Variants in SH3PXD2A observed in about 807,000 individuals in gnomAD.
SH3PXD2A encodes the protein SH3 and PX domain-containing protein 2A.
SH3PXD2A carries 32 observed loss-of-function variants against 115.2 expected under a neutral mutation model. The observed-to-expected ratio is 0.28, with a 90% CI of 0.21 to 0.37. The LOEUF is 0.37. Among genes scored for constraint, SH3PXD2A ranks in the 10% least tolerant of loss-of-function variants. The pLI is 1.00. For missense variants in SH3PXD2A, 1,328 were observed against 1,498.7 expected (o/e 0.89, Z 1.88); for synonymous variants, 610 against 629.1 (o/e 0.97, Z 0.45).
At chr10:103,730,251 T>G (rs1339473924) in intron 4 of SH3PXD2A, among the ~76,000 whole-genome samples, 3 of 124,694 alleles carry the variant, frequency 2.4e-5, no homozygotes, top group Non-Finnish European at 5.1e-5. Flanking sequence ...TTTTTTTTTT[T>G]GCTCCTTCCT....
chr10:103,736,786 G>A, intron 3 of SH3PXD2A: 1 of 1,289,256 alleles, frequency 7.8e-7, no homozygotes, highest in Non-Finnish European at 1.0e-6. Flanking sequence ...CTCACCTGTA[G>A]CTGTAACGGG....
intron 10 of SH3PXD2A, among the ~76,000 whole-genome samples, chr10:103,618,228 G>T (rs1182780931): frequency 1.3e-5 from 2 of 152,212 alleles, no homozygotes; most frequent in Non-Finnish European, 2.9e-5. Context: ...GGGCACCATG[G>T]TGCCTCCCCT....
At chr10:103,753,593 G>C (rs1249788430) in intron 3 of SH3PXD2A, among the ~76,000 whole-genome samples, 1 of 151,412 alleles carries the variant, frequency 6.6e-6, no homozygotes, top group Non-Finnish European at 1.5e-5. Context: ...CTTACTAGTT[G>C]AGTGGCCTTG....
At position 103,624,284 on chromosome 10, in the gene SH3PXD2A, A is replaced by C. The variant is rs1307447967; in HGVS notation, c.719-1731T>G. ...CGCCTTTGGTACAGCAGCACAGAAG[A>C]CCGTGGTCTGTTCCGCATGTCCCAA... On this transcript the variant is annotated intron_variant, in intron 9 of 14. Transcript: ENST00000369774. Among the ~76,000 whole-genome samples, 29 of 152,326 alleles carry C rather than the reference A, an allele frequency of 1.9e-4. 1 individual carries two copies. Among genetic ancestry groups the C allele is most frequent in the Non-Finnish European group, 4.4e-5 (3 of 68,026 alleles).
At chr10:103,713,255 T>C (rs1459335641) in intron 5 of SH3PXD2A, among the ~76,000 whole-genome samples, 3 of 152,200 alleles carry the variant, frequency 2.0e-5, no homozygotes, top group South Asian at 2.1e-4. Flanking sequence ...TCTCGGACTA[T>C]GTCTATGAAT....
chr10:103,638,840 G>GATGGCC (rs1488878154), intron 8 of SH3PXD2A, among the ~76,000 whole-genome samples: 5 of 152,250 alleles, frequency 3.3e-5, no homozygotes, highest in African/African-American at 1.2e-4. Flanking sequence ...TGGGGCCAGG[G>GATGGCC]ATGGCCAGGG....
chr10:103,822,393 C>A (rs1330550939), intron 1 of SH3PXD2A, among the ~76,000 whole-genome samples: 1 of 152,270 alleles, frequency 6.6e-6, no homozygotes, highest in African/African-American at 2.4e-5. Context: ...AAGTTCCCTG[C>A]AGAAATTCTG....
At chr10:103,692,449 C>CA (rs1473044822) in intron 6 of SH3PXD2A, among the ~76,000 whole-genome samples, 2 of 152,200 alleles carry the variant, frequency 1.3e-5, no homozygotes, top group African/African-American at 4.8e-5. Context: ...TGCCAAAACG[C>CA]GGAGCCCCCA....
At chr10:103,697,777 G>A (rs2037842287) in intron 5 of SH3PXD2A, among the ~76,000 whole-genome samples, 2 of 152,184 alleles carry the variant, frequency 1.3e-5, no homozygotes, top group Non-Finnish European at 2.9e-5. Flanking sequence ...GGATGCTCTA[G>A]TGAAATGGCT....
rs560981494 is a variant in SH3PXD2A, at chr10:103,653,495, T to C, written c.604+7488A>G. 2.5e-4 allele frequency among the ~76,000 whole-genome samples: 38 copies of C among 152,278 alleles called. No homozygotes were observed. In the East Asian group the frequency reaches 6.4e-3, roughly 26 times the overall value. On this transcript the variant is annotated intron_variant, in intron 8 of 14. Coordinates refer to ENST00000369774, the MANE Select transcript of SH3PXD2A (RefSeq NM_001394015.1). ...ACCGAGGCCACCACTAACCCATATA[T>C]TTTGCTGAGAAATAACTATTCAAGG...
chr10:103,740,255 C>G (rs2038429652), intron 3 of SH3PXD2A, among the ~76,000 whole-genome samples: 1 of 152,196 alleles, frequency 6.6e-6, no homozygotes, highest in Non-Finnish European at 1.5e-5. Flanking sequence ...CAAAGTCACA[C>G]AGCTATCTAG....
At chr10:103,685,946 A>G (rs1168528011) in intron 6 of SH3PXD2A, among the ~76,000 whole-genome samples, 1 of 152,210 alleles carries the variant, frequency 6.6e-6, no homozygotes, top group Non-Finnish European at 1.5e-5. Context: ...TAATCTATCA[A>G]TAATTAAAAC....
intron 2 of SH3PXD2A, among the ~76,000 whole-genome samples, chr10:103,769,171 TGTGTGTGTGTGCGCGC>T (rs2038790524): frequency 9.5e-6 from 1 of 105,234 alleles, no homozygotes; most frequent in African/African-American, 4.9e-5. Flanking sequence ...TGTGTGTGTG[TGTGTGTGTGTGCGCGC>T]GCGCGCGCAT....
At chr10:103,707,223 G>A (rs566517483) in intron 5 of SH3PXD2A, among the ~76,000 whole-genome samples, 16 of 150,434 alleles carry the variant, frequency 1.1e-4, no homozygotes, top group Non-Finnish European at 2.2e-4. Flanking sequence ...TTGAGATGGA[G>A]TCTAGCTCTG....
chr10:103,737,255 T>A (rs2038391173), intron 3 of SH3PXD2A, among the ~76,000 whole-genome samples: 1 of 152,258 alleles, frequency 6.6e-6, no homozygotes, highest in Non-Finnish European at 1.5e-5. Flanking sequence ...AATACCATTT[T>A]CTTTTTCATT....
intron 3 of SH3PXD2A, among the ~76,000 whole-genome samples, chr10:103,741,473 G>T (rs761126332): frequency 6.6e-6 from 1 of 152,138 alleles, no homozygotes; most frequent in Non-Finnish European, 1.5e-5. Context: ...TAGAGAATTT[G>T]TCAGGAAGCC....
rs892140223 is a variant in SH3PXD2A, at chr10:103,638,461, G to A, written c.605-11259C>T. On this transcript the variant is annotated intron_variant, in intron 8 of 14. Transcript: ENST00000369774. Reference sequence around the variant, plus strand: ...TGAGCAGACCAAGGTCATGGGTGAGGCACCCAGAAGGAGGCCTGACTAACA... The same window carrying A: ...TGAGCAGACCAAGGTCATGGGTGAGACACCCAGAAGGAGGCCTGACTAACA... 2.6e-5 allele frequency among the ~76,000 whole-genome samples: 4 copies of A among 152,234 alleles called. 1 individual carries two copies. Among genetic ancestry groups the A allele is most frequent in the Non-Finnish European group, 5.9e-5 (4 of 68,044 alleles).
intron 5 of SH3PXD2A, among the ~76,000 whole-genome samples, chr10:103,699,391 C>A (rs756194976): frequency 1.5e-4 from 23 of 152,188 alleles, no homozygotes; most frequent in Non-Finnish European, 5.9e-5. Context: ...GCGTATCGAG[C>A]TGCAGTGTGA....
In SH3PXD2A at chr10:103,801,341, AG is replaced by A; in HGVS notation, c.93del (p.Trp32GlyfsTer58). 1 of 1,610,860 alleles carries A rather than the reference AG, an allele frequency of 6.2e-7. No homozygotes were observed. Among genetic ancestry groups the A allele is most frequent in the Non-Finnish European group, 8.5e-7 (1 of 1,177,032 alleles). On this transcript the variant is annotated frameshift_variant, in exon 2 of 15. Transcript: ENST00000369774. LOFTEE classifies it high-confidence loss of function. ...SKHYVYIINVTWSDSTSQTIY... is the reference protein window; with the variant it reads ...SKHYVYIINVXWSDSTSQTIY... ...ATAGTCTGGGAGGTGGAGTCAGACC[AG>A]GTCACATTGATTATGTATACCTGTG...
Sources: allele counts gnomAD v4.1 joint callset (sites outside exome capture counted in the v4.1 genomes callset), GRCh38; gene constraint gnomAD v4.1.1; transcripts MANE v1.5; gene names NCBI Gene and HGNC (gene_info 2026-07-23, HGNC 2026-07-21).